DLG2: variants seen among roughly 807,000 people sequenced by gnomAD.
DLG2 encodes disks large homolog 2.
A neutral mutation model predicts 132.5 loss-of-function variants in DLG2; 45 were observed. The observed-to-expected ratio is 0.34, with a 90% confidence interval of 0.27 to 0.44. The LOEUF (loss-of-function observed/expected upper bound fraction) is 0.44, where lower values mean the gene tolerates loss of function less well. DLG2 is among the 20% of genes least tolerant of loss of function. The pLI, the probability that DLG2 is intolerant of heterozygous loss-of-function variation, is 1.00. For synonymous variants in DLG2, 424 were observed against 419.6 expected (o/e 1.01, Z -0.13); for missense variants, 1,045 against 1,196.9 (o/e 0.87, Z 1.87).
chr11:84,066,316 A>G (rs2096671645), intron 10 of DLG2, among the ~76,000 whole-genome samples: 1 of 152,226 alleles, frequency 6.6e-6, no homozygotes, highest in Non-Finnish European at 1.5e-5. Context: ...TCCTTTTCAT[A>G]TTTCCCTTCC....
Position 85,079,484 on chromosome 11 carries a change from ATTT to A in DLG2, c.357+32174_357+32176del, listed in dbSNP as rs35913627. ...TTCAGTTGGTTGGGGGAGGCTTAGA[ATTT>A]TTTTTTTTTTTTTTTTTGGTTTACC... On this transcript the variant is annotated intron_variant, in intron 6 of 27. Coordinates refer to ENST00000376104, the MANE Select transcript of DLG2 (RefSeq NM_001142699.3). Among the ~76,000 whole-genome samples, 839 of 137,620 alleles carry A rather than the reference ATTT, an allele frequency of 6.1e-3. 3 individuals are homozygous for A. The highest frequency in any genetic ancestry group is 0.012 in the Middle Eastern group (3 of 260). The allele number at this position is 137,620 out of a possible 152,430, so 90.3% of individuals were successfully genotyped here.
intron 6 of DLG2, among the ~76,000 whole-genome samples, chr11:85,002,587 A>C (rs2154131296): frequency 6.6e-6 from 1 of 152,216 alleles, no homozygotes; most frequent in South Asian, 2.1e-4. Context: ...TGGATGACCA[A>C]CTTTTAAGTG....
intron 22 of DLG2, among the ~76,000 whole-genome samples, chr11:83,475,264 C>T (rs1338070111): frequency 1.3e-5 from 2 of 151,922 alleles, no homozygotes; most frequent in Non-Finnish European, 2.9e-5. Flanking sequence ...GAGGAAGAGA[C>T]AAAGGGAAAG....
intron 3 of DLG2, among the ~76,000 whole-genome samples, chr11:85,290,512 C>T (rs1264253330): frequency 6.6e-6 from 1 of 151,560 alleles, no homozygotes; most frequent in Non-Finnish European, 1.5e-5. Context: ...CACTGCAATC[C>T]TCTTGCAGTG....
chr11:84,166,500 C>CAAAAAAAA (rs398016937), intron 8 of DLG2, among the ~76,000 whole-genome samples: 7 of 80,990 alleles, frequency 8.6e-5, no homozygotes, highest in African/African-American at 3.4e-4. Flanking sequence ...GACTCTGCTT[C>CAAAAAAAA]AAAAAAAAAA....
chr11:85,411,216 A>C (rs895970468), intron 3 of DLG2, among the ~76,000 whole-genome samples: 2 of 151,850 alleles, frequency 1.3e-5, no homozygotes, highest in Non-Finnish European at 1.5e-5. Flanking sequence ...TATTACATGC[A>C]TGCAGTGTAC....
intron 4 of DLG2, among the ~76,000 whole-genome samples, chr11:85,267,644 T>C (rs2077296526): frequency 6.6e-6 from 1 of 152,092 alleles, no homozygotes; most frequent in African/African-American, 2.4e-5. Context: ...AATCAGTTAT[T>C]TAAAAAAAAA....
chr11:83,744,347 T>C (rs188181640), intron 18 of DLG2, among the ~76,000 whole-genome samples: 257 of 152,326 alleles, frequency 1.7e-3, no homozygotes, highest in African/African-American at 6.0e-3. Context: ...CTATTTCCCA[T>C]ATGCACTCTG....
chr11:85,179,731 AT>A (rs1212364981), intron 4 of DLG2, among the ~76,000 whole-genome samples: 1 of 151,864 alleles, frequency 6.6e-6, no homozygotes, highest in Non-Finnish European at 1.5e-5. Flanking sequence ...GTCTAAAGAC[AT>A]TAGGACCCAC....
intron 6 of DLG2, among the ~76,000 whole-genome samples, chr11:84,927,489 G>C (rs1437251287): frequency 6.6e-6 from 1 of 151,960 alleles, no homozygotes; most frequent in Non-Finnish European, 1.5e-5. Flanking sequence ...CTAGGATTGA[G>C]AATTACTGCC....
At chr11:85,467,296 G>A (rs867213553) in intron 3 of DLG2, among the ~76,000 whole-genome samples, 17 of 152,034 alleles carry the variant, frequency 1.1e-4, no homozygotes, top group African/African-American at 1.4e-4. Context: ...TTGAATACCC[G>A]TTATTTCCTT....
At chr11:85,239,587 C>T (rs2075773763) in intron 4 of DLG2, among the ~76,000 whole-genome samples, 1 of 151,888 alleles carries the variant, frequency 6.6e-6, no homozygotes, top group African/African-American at 2.4e-5. Flanking sequence ...TCATGCAGTG[C>T]CACCTGTGTT....
intron 3 of DLG2, among the ~76,000 whole-genome samples, chr11:85,443,939 C>T (rs1405634941): frequency 6.6e-6 from 1 of 152,148 alleles, no homozygotes; most frequent in African/African-American, 2.4e-5. Context: ...AAATGTACAA[C>T]CTCTTCCAGC....
At chr11:83,894,430 G>A (rs922993699) in intron 15 of DLG2, among the ~76,000 whole-genome samples, 1 of 151,874 alleles carries the variant, frequency 6.6e-6, no homozygotes, top group Admixed American at 6.6e-5. Flanking sequence ...GAGCCCCAAG[G>A]AAACAAAAAA....
intron 19 of DLG2, among the ~76,000 whole-genome samples, chr11:83,627,306 AG>A (rs1175391158): frequency 2.0e-5 from 3 of 151,794 alleles, no homozygotes; most frequent in Admixed American, 6.6e-5. Context: ...TGCTGCACCC[AG>A]TTAACTCGTC....
intron 8 of DLG2, among the ~76,000 whole-genome samples, chr11:84,238,345 T>C (rs1337076554): frequency 6.6e-6 from 1 of 152,018 alleles, no homozygotes; most frequent in African/African-American, 2.4e-5. Context: ...CAAAACTCTA[T>C]GTCTATGAAA....
chr11:84,681,825 T>C (rs1027694055), intron 6 of DLG2, among the ~76,000 whole-genome samples: 2 of 151,148 alleles, frequency 1.3e-5, no homozygotes, highest in Non-Finnish European at 2.9e-5. Context: ...TTGAACCTTA[T>C]TGAAAAAAAA....
intron 3 of DLG2, among the ~76,000 whole-genome samples, chr11:85,485,088 A>C (rs1469497466): frequency 6.6e-6 from 1 of 152,038 alleles, no homozygotes; most frequent in East Asian, 1.9e-4. Flanking sequence ...CATTCTCAGC[A>C]AACTATCGCA....
intron 3 of DLG2, among the ~76,000 whole-genome samples, chr11:85,345,239 G>A (rs1009781303): frequency 6.6e-5 from 10 of 152,172 alleles, no homozygotes; most frequent in Non-Finnish European, 1.3e-4. Context: ...TCCTTAGAAA[G>A]ATATTTACAG....
Sources: gnomAD v4.1 joint callset for allele counts (sites outside exome capture counted in the v4.1 genomes callset) on GRCh38, gnomAD v4.1.1 for gene constraint, MANE v1.5 for transcripts, NCBI Gene and HGNC (gene_info 2026-07-23, HGNC 2026-07-21) for gene names.